PCTP: variants seen among roughly 807,000 people sequenced by gnomAD.
The protein encoded by PCTP is START domain-containing protein 2.
PCTP carries 27 observed loss-of-function variants against 31.0 expected under a neutral mutation model. That is an observed-to-expected ratio of 0.87 (90% CI 0.64 to 1.20). PCTP has a LOEUF of 1.20. Among genes scored for constraint, PCTP ranks in the 50% most tolerant of loss-of-function variants. The pLI is 0.00. For synonymous variants in PCTP, 108 were observed against 101.2 expected (o/e 1.07, Z -0.40); for missense variants, 287 against 268.2 (o/e 1.07, Z -0.49).
intron 2 of PCTP, among the ~76,000 whole-genome samples, chr17:55,786,142 G>A (rs969038636): frequency 6.6e-6 from 1 of 151,900 alleles, no homozygotes; most frequent in African/African-American, 2.4e-5. Context: ...AAATTAGCTA[G>A]GCGTGGTGGC....
chr17:55,751,257 C>G lies in PCTP; in HGVS notation c.141+13C>G. On this transcript the variant is annotated intron_variant, in intron 1 of 5. Transcript: ENST00000268896. ...GCTGCTGGACAAGGTAGCGGCCAACCCGCTGGAGGACCGCGGGGCCTAGAA... is the reference window on the plus strand; with the variant it reads ...GCTGCTGGACAAGGTAGCGGCCAACGCGCTGGAGGACCGCGGGGCCTAGAA... 6.5e-7 allele frequency: 1 copy of G among 1,531,594 alleles called. No individual in the cohort carries two copies. Among genetic ancestry groups the G allele is most frequent in the Non-Finnish European group, 8.8e-7 (1 of 1,138,246 alleles). 94.9% of individuals were successfully genotyped at this position (1,531,594 alleles called of 1,614,324 possible). A position where few individuals can be genotyped will look rare whatever the true frequency, so the allele number is the denominator to read the frequency against.
At chr17:55,825,974 G>T (rs141311855), downstream of PCTP, among the ~76,000 whole-genome samples, 31 of 151,704 alleles carry the variant, frequency 2.0e-4, no homozygotes, top group Middle Eastern at 3.4e-3. Flanking sequence ...TACAATCATA[G>T]TTGCCCTCAC....
rs182603579 is a variant in PCTP at position 55,756,205 on chromosome 17, G to A, written c.141+4961G>A. On this transcript the variant is annotated intron_variant, in intron 1 of 5. Transcript: ENST00000268896. ...GGTGAAGAAGGAACATGGTGCTGCT[G>A]CTTCAATGAATGAGCTTCTTGAACA... Among the ~76,000 whole-genome samples the A allele has an allele frequency of 1.7e-3, 266 of 152,342 alleles. 1 individual carries two copies. The highest frequency in any genetic ancestry group is 6.0e-3 in the African/African-American group (250 of 41,578).
At position 55,776,546 on chromosome 17, in the gene PCTP, C is replaced by T; in HGVS notation, c.*446C>T. Reference sequence around the variant, plus strand: ...GCTCTTTTGCAGCTTGTGATTTCTTCCAGCTTGGGAGGGGCTGCTGGAAGT... The same window carrying T: ...GCTCTTTTGCAGCTTGTGATTTCTTTCAGCTTGGGAGGGGCTGCTGGAAGT... On this transcript the variant is annotated 3_prime_UTR_variant, in exon 6 of 6. Coordinates refer to ENST00000268896, the MANE Select transcript of PCTP (RefSeq NM_021213.4). 2 of 1,232,120 alleles carry T rather than the reference C, an allele frequency of 1.6e-6. No individual in the cohort carries two copies. The highest frequency in any genetic ancestry group is 2.0e-6 in the Non-Finnish European group (2 of 988,378). The allele number at this position is 1,232,120 out of a possible 1,614,324, so 76.3% of individuals were successfully genotyped here. A position where few individuals can be genotyped will look rare whatever the true frequency, so the allele number is the denominator to read the frequency against.
At chr17:55,754,773 C>T (rs756501089) in intron 1 of PCTP, among the ~76,000 whole-genome samples, 9 of 152,098 alleles carry the variant, frequency 5.9e-5, no homozygotes, top group Non-Finnish European at 1.2e-4. Flanking sequence ...AGTGCACCAA[C>T]GTACAAAAGA....
In PCTP at chr17:55,783,201, AT is replaced by A. The variant is rs1041196888; in HGVS notation, c.229-4358del. 1.4e-4 allele frequency among the ~76,000 whole-genome samples: 21 copies of A among 151,030 alleles called. 2 individuals are homozygous for A. The highest frequency in any genetic ancestry group is 9.2e-4 in the Admixed American group (14 of 15,254). On this transcript the variant is annotated intron_variant, in intron 2 of 3. Coordinates refer to the PCTP transcript ENST00000572536. ...TTTTCCAGGGTTTTGTTCTTTATTA[AT>A]TTTTTTGATTTTTCATTCTGATTTA...
intron 5 of PCTP, among the ~76,000 whole-genome samples, chr17:55,830,721 T>C (rs1035426262): frequency 6.6e-6 from 1 of 152,114 alleles, no homozygotes; most frequent in African/African-American, 2.4e-5. Flanking sequence ...AACAAACACA[T>C]TTGTAAGTGC....
intron 3 of PCTP, among the ~76,000 whole-genome samples, chr17:55,791,436 A>G (rs942097298): frequency 2.3e-4 from 34 of 147,578 alleles, no homozygotes; most frequent in African/African-American, 8.2e-4. Flanking sequence ...CAGAATCTAC[A>G]ATGAACTCCA....
At chr17:55,759,111 T>G (rs1156288321) in intron 1 of PCTP, among the ~76,000 whole-genome samples, 1 of 152,224 alleles carries the variant, frequency 6.6e-6, no homozygotes, top group East Asian at 1.9e-4. Context: ...CAGGTGAATC[T>G]GGGGCAATGC....
intron 5 of PCTP, among the ~76,000 whole-genome samples, chr17:55,841,155 A>G (rs1054358804): frequency 2.6e-5 from 4 of 152,240 alleles, no homozygotes; most frequent in Non-Finnish European, 5.9e-5. Flanking sequence ...AAATCATAGT[A>G]CATGGAGATT....
At chr17:55,757,701 C>G (rs1338439790) in intron 1 of PCTP, among the ~76,000 whole-genome samples, 7 of 151,988 alleles carry the variant, frequency 4.6e-5, no homozygotes, top group Non-Finnish European at 7.4e-5. Context: ...TATTTCTAAC[C>G]AGCTGCTGAA....
chr17:55,812,873 T>C (rs927576403), intron 3 of PCTP, among the ~76,000 whole-genome samples: 1 of 152,220 alleles, frequency 6.6e-6, no homozygotes, highest in Non-Finnish European at 1.5e-5. Flanking sequence ...AAGGATCCTT[T>C]AGTTAGAAAA....
chr17:55,778,663 G>A (rs1771895140), downstream of PCTP, among the ~76,000 whole-genome samples: 2 of 152,192 alleles, frequency 1.3e-5, no homozygotes, highest in South Asian at 2.1e-4. Context: ...GTCCTTCCTT[G>A]AAGTACCAAG....
intron 5 of PCTP, among the ~76,000 whole-genome samples, chr17:55,839,752 C>T (rs892111272): frequency 2.0e-5 from 3 of 150,762 alleles, no homozygotes; most frequent in Admixed American, 2.0e-4. Context: ...AACCCCGTCT[C>T]TACTAAAAAT....
At chr17:55,799,522 T>C (rs1912305246) in intron 3 of PCTP, among the ~76,000 whole-genome samples, 1 of 152,106 alleles carries the variant, frequency 6.6e-6, no homozygotes. Flanking sequence ...CTTGACTCTT[T>C]ATGCAATTTG....
chr17:55,798,163 A>G (rs1285174780), intron 3 of PCTP, among the ~76,000 whole-genome samples: 1 of 152,052 alleles, frequency 6.6e-6, no homozygotes, highest in Non-Finnish European at 1.5e-5. Flanking sequence ...TGTCAGTTGG[A>G]AATATACAGA....
At chr17:55,795,065 C>A (rs1188059384) in intron 3 of PCTP, among the ~76,000 whole-genome samples, 1 of 151,960 alleles carries the variant, frequency 6.6e-6, no homozygotes, top group Non-Finnish European at 1.5e-5. Context: ...CACACACTAA[C>A]CCTCCTCTTT....
intron 5 of PCTP, among the ~76,000 whole-genome samples, chr17:55,830,265 A>G (rs1011403887): frequency 6.6e-6 from 1 of 152,172 alleles, no homozygotes; most frequent in Non-Finnish European, 1.5e-5. Context: ...AAAACCGTAG[A>G]GTAGAAAGTT....
the PCTP span, among the ~76,000 whole-genome samples, chr17:55,848,122 G>A: frequency 6.6e-6 from 1 of 151,956 alleles, no homozygotes; most frequent in South Asian, 2.1e-4. Flanking sequence ...ACAGGGTTTC[G>A]CCATGTTGGC....
Sources: gnomAD v4.1 joint callset for allele counts (sites outside exome capture counted in the v4.1 genomes callset) on GRCh38, gnomAD v4.1.1 for gene constraint, MANE v1.5 for transcripts, NCBI Gene and HGNC (gene_info 2026-07-23, HGNC 2026-07-21) for gene names.